MRPL30: variants seen among roughly 807,000 people sequenced by gnomAD.
The protein encoded by MRPL30 is large ribosomal subunit protein uL30m.
A neutral mutation model predicts 17.2 loss-of-function variants in MRPL30; 10 were observed. That is an observed-to-expected ratio of 0.58 (90% CI 0.36 to 0.99). MRPL30 has a LOEUF of 0.99. MRPL30 is among the 50% of genes least tolerant of loss of function. MRPL30 has a pLI of 0.01. For missense variants in MRPL30, 170 were observed against 189.8 expected (o/e 0.90, Z 0.61); for synonymous variants, 61 against 62.1 (o/e 0.98, Z 0.08).
intron 1 of MRPL30, 148 bp from the exon 2 acceptor site, chr2:99,186,029 T>A: frequency 1.7e-6 from 1 of 581,594 alleles, no homozygotes; most frequent in Non-Finnish European, 3.1e-6. Context: ...ATAAATTAAT[T>A]CGTGCCCTTA....
intron 3 of MRPL30, among the ~76,000 whole-genome samples, chr2:99,193,301 G>A (rs540864967): frequency 4.6e-5 from 7 of 152,224 alleles, no homozygotes; most frequent in East Asian, 1.9e-4. Context: ...TCAGAGTGAC[G>A]ATTATTAAAA....
intron 3 of MRPL30, among the ~76,000 whole-genome samples, chr2:99,193,622 A>G (rs1396064706): frequency 1.3e-5 from 2 of 152,190 alleles, no homozygotes; most frequent in Non-Finnish European, 2.9e-5. Context: ...AATTGTGTGG[A>G]CATTTCTTTT....
rs1438762369 is a variant in MRPL30, at chr2:99,199,167, C to A, written c.*3462C>A. 6.6e-6 allele frequency among the ~76,000 whole-genome samples: 1 copy of A among 152,124 alleles called. No individual in the cohort carries two copies. The highest frequency in any genetic ancestry group is 1.5e-5 in the Non-Finnish European group (1 of 68,022). ...TAATTTTGCTTAACATAAGTAGTAT[C>A]CCTTCCTTCCTTTCCATACTTTGAG... is the stretch of plus-strand genomic sequence containing the variant. On this transcript the variant is annotated 3_prime_UTR_variant, in exon 6 of 6. Transcript: ENST00000338148.
At chr2:99,194,077 A>G (rs1026024615) in intron 3 of MRPL30, among the ~76,000 whole-genome samples, 4 of 151,176 alleles carry the variant, frequency 2.6e-5, no homozygotes, top group Admixed American at 2.6e-4. Context: ...GTATCATTTT[A>G]CTTAGTTTTA....
intron 3 of MRPL30, among the ~76,000 whole-genome samples, chr2:99,189,959 C>A (rs1335303269): frequency 1.6e-4 from 23 of 140,414 alleles, no homozygotes; most frequent in East Asian, 4.1e-4. Context: ...CAGTCTCTAC[C>A]AAAAAAAAAA....
intron 2 of MRPL30, 35 bp from the exon 3 acceptor site, chr2:99,188,142 A>C: frequency 6.7e-7 from 1 of 1,490,602 alleles, no homozygotes; most frequent in Non-Finnish European, 9.1e-7. Flanking sequence ...TACTGACAGA[A>C]TTCTAAAAAA....
At chr2:99,193,681 C>G (rs1484208901) in intron 3 of MRPL30, among the ~76,000 whole-genome samples, 2 of 152,096 alleles carry the variant, frequency 1.3e-5, no homozygotes, top group African/African-American at 4.8e-5. Context: ...ATGTGAAGAC[C>G]TGCAAAGATA....
At chr2:99,184,707 T>C (rs2093931135) in intron 1 of MRPL30, among the ~76,000 whole-genome samples, 1 of 152,200 alleles carries the variant, frequency 6.6e-6, no homozygotes. Flanking sequence ...TGAAGCTAAG[T>C]ATGTTGGATT....
In MRPL30 at chr2:99,199,018, G is replaced by A. The variant is rs2093959312; in HGVS notation, c.*3313G>A. ...GGCACAGTTTCACCAAGGACAGTTT[G>A]GAACTACACAGGCCATTTTAGGGAG... On this transcript the variant is annotated 3_prime_UTR_variant, in exon 6 of 6. Transcript: ENST00000338148. Among the ~76,000 whole-genome samples the A allele has an allele frequency of 6.6e-6, 1 of 151,922 alleles. No individual in the cohort carries two copies. Among genetic ancestry groups the A allele is most frequent in the Admixed American group, 6.6e-5 (1 of 15,238 alleles).
Position 99,187,514 on chromosome 2 carries a change from T to C in MRPL30, c.52-663T>C, listed in dbSNP as rs148721315. On this transcript the variant is annotated intron_variant, in intron 2 of 5. Transcript: ENST00000338148. ...TCAGCCTCCCACCTATTTTTGTAAA[T>C]AACAGTTTTATTGAAAAATATCCAC... Among the ~76,000 whole-genome samples, 4 of 152,296 alleles carry C rather than the reference T, an allele frequency of 2.6e-5. No homozygotes were observed. In the East Asian group the frequency reaches 7.7e-4, roughly 29 times the overall value.
chr2:99,182,145 T>C (rs774972123), intron 1 of MRPL30, among the ~76,000 whole-genome samples: 1 of 152,106 alleles, frequency 6.6e-6, no homozygotes, highest in Non-Finnish European at 1.5e-5. Context: ...AAAATAGAAA[T>C]GGGATCATAC....
rs1202026505 is a variant in MRPL30, at chr2:99,197,255, CTAGTTACCCT to C, written c.*1552_*1561del. The C allele has an allele frequency of 6.6e-6, 1 of 152,194 alleles. No individual in the cohort carries two copies. Among genetic ancestry groups the C allele is most frequent in the East Asian group, 1.9e-4 (1 of 5,198 alleles). The allele number at this position is 152,194 out of a possible 1,614,324, so 9.4% of individuals were successfully genotyped here. On this transcript the variant is annotated 3_prime_UTR_variant, in exon 6 of 6. Transcript: ENST00000338148. ...GATGATGATGAAGAACCTCTGCATT[CTAGTTACCCT>C]TTGCTTCCCTTCACCTCTTGTAAAA...
rs2093956333 is a variant in MRPL30, at chr2:99,197,135, CCTTT to C, written c.*1435_*1438del. 6.6e-6 allele frequency: 1 copy of C among 152,098 alleles called. No homozygotes were observed. The highest frequency in any genetic ancestry group is 2.4e-5 in the African/African-American group (1 of 41,418). 9.4% of individuals were successfully genotyped at this position (152,098 alleles called of 1,614,324 possible). On this transcript the variant is annotated 3_prime_UTR_variant, in exon 6 of 6. Transcript: ENST00000338148. ...GGAAATCTCTCAGGGAGAATTATTT[CCTTT>C]CTTTTCTATTTTAGATACCTGGAGG... is the stretch of plus-strand genomic sequence containing the variant.
intron 1 of MRPL30, 147 bp from the exon 2 acceptor site, chr2:99,186,030 C>T (rs1048413910): frequency 8.3e-5 from 48 of 577,188 alleles, no homozygotes; most frequent in Middle Eastern, 3.7e-4. Context: ...TAAATTAATT[C>T]GTGCCCTTAT....
In MRPL30 at chr2:99,197,928, G is replaced by A. The variant is rs1242124342; in HGVS notation, c.*2223G>A. ...CAAAGTGCTGGGAATACAGGTGTGAGCCACCATACCTGGCCTTACTGTACT... is the reference window on the plus strand; with the variant it reads ...CAAAGTGCTGGGAATACAGGTGTGAACCACCATACCTGGCCTTACTGTACT... On this transcript the variant is annotated 3_prime_UTR_variant, in exon 6 of 6. Transcript: ENST00000338148. Among the ~76,000 whole-genome samples the A allele has an allele frequency of 6.6e-6, 1 of 152,126 alleles. No homozygotes were observed. Among genetic ancestry groups the A allele is most frequent in the Non-Finnish European group, 1.5e-5 (1 of 68,026 alleles).
chr2:99,198,661 A>G lies in MRPL30; in HGVS notation c.*2956A>G, dbSNP rs893637241. ...AAAAGTCAATCCTGGACCTTATCAT[A>G]GTGGCTGTATAGTTTAGAAGGTTTC... On this transcript the variant is annotated 3_prime_UTR_variant, in exon 6 of 6. Coordinates refer to ENST00000338148, the MANE Select transcript of MRPL30 (RefSeq NM_145212.4). Among the ~76,000 whole-genome samples, 12 of 152,200 alleles carry G rather than the reference A, an allele frequency of 7.9e-5. No homozygotes were observed. The highest frequency in any genetic ancestry group is 8.8e-5 in the Non-Finnish European group (6 of 68,040).
intron 1 of MRPL30, among the ~76,000 whole-genome samples, chr2:99,183,839 C>T (rs994736232): frequency 1.1e-4 from 17 of 152,024 alleles, no homozygotes; most frequent in African/African-American, 2.2e-4. Context: ...TTTGCTATTC[C>T]AGGATCCCAT....
At position 99,195,124 on chromosome 2, in the gene MRPL30, C is replaced by A; in HGVS notation, c.288C>A (p.Thr96=). Residue 96 remains threonine (T), a synonymous_variant, in exon 5 of 6, where the codon ACC becomes ACA. Transcript: ENST00000338148. The part of the protein sequence containing the change: ...IKMLGLEKAH[T]PQVHKNIPSV... ...GTTGTTGTTGTTCACAGGCACATAC[C>A]CCTCAAGTTCACAAGAATATCCCTT... 1 of 1,596,600 alleles carries A rather than the reference C, an allele frequency of 6.3e-7. No individual in the cohort carries two copies. Among genetic ancestry groups the A allele is most frequent in the East Asian group, 2.3e-5 (1 of 44,378 alleles).
intron 2 of MRPL30, among the ~76,000 whole-genome samples, chr2:99,186,567 T>A (rs998351962): frequency 6.6e-6 from 1 of 150,464 alleles, no homozygotes; most frequent in Non-Finnish European, 1.5e-5. Flanking sequence ...CTCCTGACCT[T>A]GTGATCCACC....
Sources: allele counts gnomAD v4.1 joint callset (sites outside exome capture counted in the v4.1 genomes callset), GRCh38; gene constraint gnomAD v4.1.1; transcripts MANE v1.5; gene names NCBI Gene and HGNC (gene_info 2026-07-23, HGNC 2026-07-21).